Variants in ETV5 observed in about 807,000 individuals in gnomAD.
ETV5 encodes ETS translocation variant 5.
In ETV5, 10 loss-of-function variants were observed where a neutral mutation model predicts 70.0. The ratio of observed to expected loss-of-function variants is 0.14; its 90% CI spans 0.09 to 0.24. ETV5 has a LOEUF of 0.24. Ranked by LOEUF, ETV5 falls within the 10% of genes least tolerant of loss-of-function variation. The pLI is 1.00. For synonymous variants in ETV5, 216 were observed against 242.2 expected (o/e 0.89, Z 1.01); for missense variants, 453 against 651.2 (o/e 0.70, Z 3.31).
chr3:186,055,657 A>C (rs184309304), intron 11 of ETV5, among the ~76,000 whole-genome samples: 1 of 152,302 alleles, frequency 6.6e-6, no homozygotes, highest in East Asian at 1.9e-4. Context: ...TTCTCCTATC[A>C]ATCAGGATTC....
intron 5 of ETV5, among the ~76,000 whole-genome samples, chr3:186,099,807 C>T (rs1427953928): frequency 6.6e-6 from 1 of 152,206 alleles, no homozygotes; most frequent in East Asian, 1.9e-4. Context: ...GATTTTGTTA[C>T]TTCTGGCACC....
intron 7 of ETV5, among the ~76,000 whole-genome samples, chr3:186,067,803 CA>C (rs1713488442): frequency 6.6e-6 from 1 of 151,874 alleles, no homozygotes; most frequent in South Asian, 2.1e-4. Flanking sequence ...CACATCAAAC[CA>C]GGGGGAAAGA....
intron 9 of ETV5, among the ~76,000 whole-genome samples, chr3:186,063,043 A>G (rs1250485805): frequency 6.6e-6 from 1 of 152,162 alleles, no homozygotes; most frequent in Non-Finnish European, 1.5e-5. Context: ...AGGCCGAGGC[A>G]GGTGGATCAC....
chr3:186,075,199 T>A (rs1359083153), intron 7 of ETV5, among the ~76,000 whole-genome samples: 1 of 152,228 alleles, frequency 6.6e-6, no homozygotes, highest in Non-Finnish European at 1.5e-5. Flanking sequence ...CATCATTCAG[T>A]CTGTCAAAGA....
At chr3:186,078,783 C>A (rs1012689185) in intron 7 of ETV5, among the ~76,000 whole-genome samples, 6 of 152,042 alleles carry the variant, frequency 3.9e-5, no homozygotes, top group Non-Finnish European at 7.4e-5. Context: ...TAAACAGCAA[C>A]CAGCCATATT....
intron 5 of ETV5, among the ~76,000 whole-genome samples, chr3:186,100,462 C>T (rs1023496508): frequency 1.3e-5 from 2 of 152,192 alleles, no homozygotes; most frequent in African/African-American, 4.8e-5. Flanking sequence ...AGGAAAGGCA[C>T]TGCCTCTACT....
chr3:186,108,805 G>C (rs1714664877), intron 1 of ETV5, 135 bp downstream of exon 1: 1 of 331,834 alleles, frequency 3.0e-6, no homozygotes, highest in Non-Finnish European at 5.3e-6. Flanking sequence ...TCAACCCGGG[G>C]GGGGTCACCC....
chr3:186,102,029 G>A (rs1322892838), intron 5 of ETV5, among the ~76,000 whole-genome samples: 1 of 152,042 alleles, frequency 6.6e-6, no homozygotes, highest in Non-Finnish European at 1.5e-5. Context: ...GAAGTAAGCT[G>A]GGCATTTCTA....
intron 7 of ETV5, among the ~76,000 whole-genome samples, chr3:186,067,504 C>G (rs959490215): frequency 6.6e-6 from 1 of 151,996 alleles, no homozygotes; most frequent in Non-Finnish European, 1.5e-5. Context: ...CCCAGCTACT[C>G]AGGAGGCTGC....
intron 5 of ETV5, among the ~76,000 whole-genome samples, chr3:186,090,785 T>C (rs926384563): frequency 3.9e-5 from 6 of 152,184 alleles, no homozygotes; most frequent in African/African-American, 1.2e-4. Context: ...TTAGCCCTTT[T>C]TACCCCTAAA....
intron 7 of ETV5, chr3:186,077,940 G>C: frequency 9.9e-7 from 1 of 1,007,446 alleles, no homozygotes; most frequent in Non-Finnish European, 1.2e-6. Context: ...CAAGAAGTAA[G>C]TCCAAAATGC....
intron 7 of ETV5, among the ~76,000 whole-genome samples, chr3:186,078,635 C>T (rs1467374730): frequency 6.6e-6 from 1 of 152,118 alleles, no homozygotes; most frequent in Non-Finnish European, 1.5e-5. Flanking sequence ...AAAAGCTCAG[C>T]GGCAGCTGTG....
intron 5 of ETV5, among the ~76,000 whole-genome samples, chr3:186,100,394 G>A (rs908918074): frequency 1.3e-5 from 2 of 152,150 alleles, no homozygotes; most frequent in Non-Finnish European, 2.9e-5. Flanking sequence ...GCAAGAAAAC[G>A]TGGTGTTTTG....
At chr3:186,108,646 T>A in intron 1 of ETV5, 2 of 1,160,306 alleles carry the variant, frequency 1.7e-6, no homozygotes, top group African/African-American at 1.7e-5. Flanking sequence ...CGATCCCCCA[T>A]CCACTCGGGA....
chr3:186,063,133 G>A (rs1453859849), intron 9 of ETV5, among the ~76,000 whole-genome samples: 1 of 152,118 alleles, frequency 6.6e-6, no homozygotes, highest in Non-Finnish European at 1.5e-5. Context: ...AGCCGGGCGT[G>A]GTGGCGGGCG....
chr3:186,078,561 A>T (rs1163983049), intron 7 of ETV5, among the ~76,000 whole-genome samples: 1 of 152,144 alleles, frequency 6.6e-6, no homozygotes, highest in Non-Finnish European at 1.5e-5. Flanking sequence ...ATTTTTACAT[A>T]AAAAACCAAG....
intron 7 of ETV5, among the ~76,000 whole-genome samples, chr3:186,066,873 T>A (rs1578544051): frequency 6.6e-6 from 1 of 152,262 alleles, no homozygotes; most frequent in Non-Finnish European, 1.5e-5. Context: ...AGCCAAAAAC[T>A]GTCAAGTATA....
chr3:186,079,275 AG>A (rs1713872981), intron 7 of ETV5: 1 of 238,192 alleles, frequency 4.2e-6, no homozygotes, highest in Non-Finnish European at 8.0e-6. Context: ...CAATGCCTGT[AG>A]AAATGTAAAA....
At chr3:186,102,335 A>G (rs891438200) in intron 5 of ETV5, among the ~76,000 whole-genome samples, 2 of 152,172 alleles carry the variant, frequency 1.3e-5, no homozygotes, top group African/African-American at 4.8e-5. Context: ...GGCCACTGGT[A>G]AGAATATTTG....
Sources: gnomAD v4.1 joint callset for allele counts (sites outside exome capture counted in the v4.1 genomes callset) on GRCh38, gnomAD v4.1.1 for gene constraint, MANE v1.5 for transcripts, NCBI Gene and HGNC (gene_info 2026-07-23, HGNC 2026-07-21) for gene names.